Variants in NRXN3 observed in about 807,000 individuals in gnomAD.
NRXN3 encodes the protein neurexin III.
A neutral mutation model predicts 137.6 loss-of-function variants in NRXN3; 32 were observed. The ratio of observed to expected loss-of-function variants is 0.23; its 90% CI spans 0.18 to 0.31. NRXN3 has a LOEUF of 0.31. Ranked by LOEUF, NRXN3 falls within the 10% of genes least tolerant of loss-of-function variation. The probability of loss-of-function intolerance (pLI) is 1.00; values close to 1 mark genes in which losing one functional copy is unlikely to be tolerated. For synonymous variants in NRXN3, 798 were observed against 784.5 expected (o/e 1.02, Z -0.29); for missense variants, 1,574 against 2,062.5 (o/e 0.76, Z 4.59).
intron 4 of NRXN3, among the ~76,000 whole-genome samples, chr14:78,385,615 A>C: frequency 6.6e-6 from 1 of 152,304 alleles, no homozygotes; most frequent in Middle Eastern, 3.4e-3. Context: ...GAAATATTCT[A>C]TGTATGAAAT....
intron 15 of NRXN3, among the ~76,000 whole-genome samples, chr14:79,088,976 C>T (rs911613140): frequency 6.6e-6 from 1 of 152,100 alleles, no homozygotes; most frequent in Non-Finnish European, 1.5e-5. Flanking sequence ...ATAATTATGA[C>T]ACCAACCCCC....
At chr14:78,997,807 C>A (rs2099533081) in intron 15 of NRXN3, among the ~76,000 whole-genome samples, 1 of 152,108 alleles carries the variant, frequency 6.6e-6, no homozygotes, top group Admixed American at 6.6e-5. Flanking sequence ...CCGGTTAGTT[C>A]TTCTCTTTAA....
At chr14:78,330,682 T>C (rs994487944) in intron 4 of NRXN3, among the ~76,000 whole-genome samples, 1 of 152,170 alleles carries the variant, frequency 6.6e-6, no homozygotes, top group African/African-American at 2.4e-5. Flanking sequence ...TTTTTGAATT[T>C]GTCCAGTCTT....
rs1040382782 is a variant in NRXN3, at chr14:79,130,313, G to A, written c.3262+142172G>A. ...TTTTGGCATGATTTTGCAGCGGCTG[G>A]TATCAGTTGTTCCTTTCCATGTTTA... is the stretch of plus-strand genomic sequence containing the variant. On this transcript the variant is annotated intron_variant, in intron 15 of 20. Coordinates refer to ENST00000335750, the MANE Select transcript of NRXN3 (RefSeq NM_001330195.2). 2.6e-5 allele frequency among the ~76,000 whole-genome samples: 4 copies of A among 151,972 alleles called. No homozygotes were observed. The South Asian group carries it at 6.3e-4, about 24-fold the overall frequency.
intron 4 of NRXN3, among the ~76,000 whole-genome samples, chr14:78,442,306 G>A (rs1171474229): frequency 6.6e-6 from 1 of 151,426 alleles, no homozygotes; most frequent in Non-Finnish European, 1.5e-5. Context: ...GAAATACACA[G>A]GGAAGATTTG....
At chr14:78,364,098 A>G (rs1400396064) in intron 4 of NRXN3, among the ~76,000 whole-genome samples, 1 of 152,208 alleles carries the variant, frequency 6.6e-6, no homozygotes, top group Non-Finnish European at 1.5e-5. Context: ...GCCAGTCACC[A>G]TCTTTAGCAT....
intron 6 of NRXN3, among the ~76,000 whole-genome samples, chr14:78,656,995 C>T (rs558461378): frequency 3.0e-4 from 41 of 138,282 alleles, no homozygotes; most frequent in Non-Finnish European, 4.7e-4. Flanking sequence ...TGCAGTGAGC[C>T]GAGATCGCAC....
At chr14:78,415,647 G>A (rs2093092831) in intron 4 of NRXN3, among the ~76,000 whole-genome samples, 1 of 152,132 alleles carries the variant, frequency 6.6e-6, no homozygotes, top group South Asian at 2.1e-4. Flanking sequence ...CTGCTGCTAT[G>A]GACTGAATGT....
intron 20 of NRXN3, among the ~76,000 whole-genome samples, chr14:79,842,300 G>A (rs1006660325): frequency 6.6e-6 from 1 of 152,310 alleles, no homozygotes; most frequent in Non-Finnish European, 1.5e-5. Context: ...TTAGTGAGCA[G>A]GCTGGTTCGT....
intron 6 of NRXN3, among the ~76,000 whole-genome samples, chr14:78,687,422 G>A (rs1005796098): frequency 3.9e-5 from 6 of 152,184 alleles, no homozygotes; most frequent in Admixed American, 3.9e-4. Flanking sequence ...GGAATTGTAA[G>A]TAGATGAGTG....
intron 4 of NRXN3, among the ~76,000 whole-genome samples, chr14:78,367,568 C>T (rs1186035037): frequency 6.6e-6 from 1 of 152,170 alleles, no homozygotes; most frequent in Non-Finnish European, 1.5e-5. Context: ...AGGTCTTTCT[C>T]ATGTATGTGC....
intron 10 of NRXN3, among the ~76,000 whole-genome samples, chr14:78,953,064 G>T (rs2099390108): frequency 6.6e-6 from 1 of 151,810 alleles, no homozygotes; most frequent in African/African-American, 2.4e-5. Context: ...GCTCCTGGGG[G>T]GAATAAGAAA....
intron 4 of NRXN3, among the ~76,000 whole-genome samples, chr14:78,605,610 G>T (rs745873379): frequency 6.6e-6 from 1 of 151,928 alleles, no homozygotes; most frequent in Admixed American, 6.6e-5. Context: ...TATGGGAGGC[G>T]CCATCTCTGG....
chr14:79,781,387 C>T (rs1280546232), intron 19 of NRXN3, among the ~76,000 whole-genome samples: 1 of 152,030 alleles, frequency 6.6e-6, no homozygotes, highest in African/African-American at 2.4e-5. Context: ...TGTGATATGC[C>T]GAGGACTGCA....
chr14:78,262,226 G>T (rs1214193205), intron 2 of NRXN3, among the ~76,000 whole-genome samples: 3 of 152,124 alleles, frequency 2.0e-5, no homozygotes, highest in African/African-American at 7.2e-5. Flanking sequence ...TTATGTATTT[G>T]CTTGGAGTAT....
At chr14:79,651,978 T>C (rs957069263) in intron 16 of NRXN3, among the ~76,000 whole-genome samples, 16 of 152,180 alleles carry the variant, frequency 1.1e-4, no homozygotes, top group South Asian at 2.1e-4. Flanking sequence ...AGGCTTCCTA[T>C]TGAAAGTGAA....
At chr14:79,320,738 A>T (rs1459460789) in intron 15 of NRXN3, among the ~76,000 whole-genome samples, 2 of 152,194 alleles carry the variant, frequency 1.3e-5, no homozygotes, top group Non-Finnish European at 2.9e-5. Flanking sequence ...TGGCAAAGAA[A>T]GGGAAACCAC....
chr14:79,058,498 A>T (rs532635757), intron 15 of NRXN3, among the ~76,000 whole-genome samples: 11 of 152,172 alleles, frequency 7.2e-5, no homozygotes, highest in East Asian at 1.9e-4. Flanking sequence ...ATATATATAT[A>T]TTTTTAATAT....
chr14:79,747,491 A>G (rs927015632), intron 19 of NRXN3, among the ~76,000 whole-genome samples: 3 of 152,042 alleles, frequency 2.0e-5, no homozygotes, highest in Admixed American at 6.6e-5. Context: ...TTCCTGCACT[A>G]TGTTTCCCAA....
Sources: allele counts gnomAD v4.1 joint callset (sites outside exome capture counted in the v4.1 genomes callset), GRCh38; gene constraint gnomAD v4.1.1; transcripts MANE v1.5; gene names NCBI Gene and HGNC (gene_info 2026-07-23, HGNC 2026-07-21).